Variants in CEP85 observed in about 807,000 individuals in gnomAD.
The protein encoded by CEP85 is centrosomal protein of 85 kDa.
A neutral mutation model predicts 93.7 loss-of-function variants in CEP85; 58 were observed. That is an observed-to-expected ratio of 0.62 (90% CI 0.50 to 0.77). The LOEUF is 0.77. Ranked by LOEUF, CEP85 falls within the 30% of genes least tolerant of loss-of-function variation. The pLI, the probability that CEP85 is intolerant of heterozygous loss-of-function variation, is 0.00. For missense variants in CEP85, 868 were observed against 922.0 expected, an observed-to-expected ratio of 0.94 and a Z score of 0.76; for synonymous variants, 314 against 338.6, an observed-to-expected ratio of 0.93 and a Z score of 0.80.
At chr1:26,238,048 G>C (rs1013610068) in intron 1 of CEP85, among the ~76,000 whole-genome samples, 10 of 150,978 alleles carry the variant, frequency 6.6e-5, no homozygotes, top group Admixed American at 2.0e-4. Context: ...AATTAATAAG[G>C]GTTTGGGTTG....
At chr1:26,251,258 T>TTG (rs1553159287) in intron 3 of CEP85, among the ~76,000 whole-genome samples, 2 of 108,562 alleles carry the variant, frequency 1.8e-5, no homozygotes, top group African/African-American at 8.0e-5. Context: ...TTGGTTTTTT[T>TTG]TTTTTTTTTT....
Position 26,250,925 on chromosome 1 carries a change from CTTTTTTCTTTTTT to C in CEP85, c.209-4239_209-4227del, listed in dbSNP as rs1199602258. On this transcript the variant is annotated intron_variant, in intron 3 of 13. Transcript: ENST00000451429. ...TGAGCCAAGCTTGCCTTTTTTTTTT[CTTTTTTCTTTTTT>C]TTTTTTTTTTTTTTTTTTTTGAGAC... is the stretch of plus-strand genomic sequence containing the variant. 1.2e-3 allele frequency among the ~76,000 whole-genome samples: 68 copies of C among 55,136 alleles called. 1 individual carries two copies. The highest frequency in any genetic ancestry group is 2.7e-3 in the African/African-American group (46 of 17,060). The allele number at this position is 55,136 out of a possible 152,430, so 36.2% of individuals were successfully genotyped here.
At chr1:26,239,934 A>G in intron 2 of CEP85, 96 bp downstream of exon 2, 1 of 891,410 alleles carries the variant, frequency 1.1e-6, no homozygotes, top group East Asian at 2.5e-5. Flanking sequence ...CATTCACTGA[A>G]ATGCTGGTGC....
chr1:26,268,328 T>C (rs1167456855), intron 7 of CEP85, among the ~76,000 whole-genome samples, 155 bp from the exon 8 acceptor site: 1 of 152,102 alleles, frequency 6.6e-6, no homozygotes, highest in Non-Finnish European at 1.5e-5. Context: ...CGTGGTAGTG[T>C]GTGCCTGCAG....
chr1:26,269,725 T>A (rs887071862), intron 9 of CEP85, 111 bp downstream of exon 9: 5 of 816,142 alleles, frequency 6.1e-6, no homozygotes, highest in Admixed American at 2.6e-5. Flanking sequence ...ATTTTACTTA[T>A]CTGAGCTTTG....
At position 26,264,564 on chromosome 1, in the gene CEP85, G is replaced by A. The variant is rs781175780; in HGVS notation, c.1342-3919G>A. ...TAAAATAAAAAGGAAGCATTTAAAA[G>A]CTGGATGAAAGCTCTGGATTCATGG... On this transcript the variant is annotated intron_variant, in intron 7 of 13. Transcript: ENST00000451429. Among the ~76,000 whole-genome samples the A allele has an allele frequency of 6.0e-4, 91 of 152,156 alleles. 1 individual carries two copies. The highest frequency in any genetic ancestry group is 1.0e-3 in the Non-Finnish European group (70 of 68,032).
chr1:26,272,651 A>G (rs1402909231), intron 11 of CEP85, among the ~76,000 whole-genome samples: 1 of 116,038 alleles, frequency 8.6e-6, no homozygotes, highest in Non-Finnish European at 1.6e-5. Context: ...TTTTGGAGAC[A>G]GAGTCTCGCT....
rs1415032003 is a variant in CEP85 at position 26,272,019 on chromosome 1, A to G, written c.1744-2A>G. ...GCCTTCCTTGATAACTTTGCCTTTC[A>G]GATTGTGGAGAAGCAGCAGCAGAAG... On this transcript the variant is annotated splice_acceptor_variant, in intron 10 of 13. Coordinates refer to ENST00000451429, the MANE Select transcript of CEP85 (RefSeq NM_001319944.2). LOFTEE classifies it high-confidence loss of function. 6.2e-7 allele frequency: 1 copy of G among 1,614,016 alleles called. No homozygotes were observed. Among genetic ancestry groups the G allele is most frequent in the East Asian group, 2.2e-5 (1 of 44,886 alleles).
At position 26,269,654 on chromosome 1, in the gene CEP85, G is replaced by GT. The variant is rs1441132469; in HGVS notation, c.1649+46dup. 4 of 1,557,028 alleles carry GT rather than the reference G, an allele frequency of 2.6e-6. No homozygotes were observed. The Admixed American group carries it at 5.5e-5, about 21-fold the overall frequency. The stretch of plus-strand genomic sequence containing the variant: ...GGGACTGAGAGGAGTGGAGAGTTAA[G>GT]TTTTTTGTCATAGCCATCCTGCTCA... On this transcript the variant is annotated intron_variant, in intron 9 of 13. Coordinates refer to ENST00000451429, the MANE Select transcript of CEP85 (RefSeq NM_001319944.2).
chr1:26,248,370 A>G (rs543176019), intron 3 of CEP85, among the ~76,000 whole-genome samples: 6 of 152,326 alleles, frequency 3.9e-5, no homozygotes, highest in Non-Finnish European at 8.8e-5. Context: ...ACATTGCTAC[A>G]CAGATTGTGT....
At chr1:26,257,769 C>T in intron 5 of CEP85, 39 bp downstream of exon 5, 3 of 1,609,732 alleles carry the variant, frequency 1.9e-6, no homozygotes, top group Non-Finnish European at 2.5e-6. Flanking sequence ...AGACTACTCT[C>T]CCAGGCCCCA....
chr1:26,255,334 T>C lies in CEP85; in HGVS notation c.372T>C (p.Ala124=). 1 of 1,614,148 alleles carries C rather than the reference T, an allele frequency of 6.2e-7. No homozygotes were observed. Among genetic ancestry groups the C allele is most frequent in the South Asian group, 1.1e-5 (1 of 91,074 alleles). Reference sequence around the variant, plus strand: ...CTAAACTCCCTTTGTCAGGGTTGGCTGAAAGTGTGGGAATGACAAGAAATG... The same window carrying C: ...CTAAACTCCCTTTGTCAGGGTTGGCCGAAAGTGTGGGAATGACAAGAAATG... ...SSSKLPLSGL[A]ESVGMTRNGD... The change falls in exon 4 of 14, where the codon GCT becomes GCC. Residue 124 remains alanine, a synonymous_variant. Coordinates refer to ENST00000451429, the MANE Select transcript of CEP85 (RefSeq NM_001319944.2).
chr1:26,239,950 G>C (rs2124556921), intron 2 of CEP85, 112 bp downstream of exon 2: 1 of 778,752 alleles, frequency 1.3e-6, no homozygotes, highest in East Asian at 2.7e-5. Flanking sequence ...GGTGCTAAAA[G>C]AATAAAAATA....
At chr1:26,257,410 T>C (rs1440671674) in intron 4 of CEP85, among the ~76,000 whole-genome samples, 187 bp from the exon 5 acceptor site, 1 of 152,194 alleles carries the variant, frequency 6.6e-6, no homozygotes, top group African/African-American at 2.4e-5. Context: ...GAGTGTTCAG[T>C]TGGCAGAAGC....
intron 3 of CEP85, among the ~76,000 whole-genome samples, chr1:26,251,191 C>T (rs1299348289): frequency 6.6e-6 from 1 of 151,220 alleles, no homozygotes; most frequent in Non-Finnish European, 1.5e-5. Context: ...GATCCGCTTG[C>T]CTCTGCCTCC....
chr1:26,268,565 GTATTGAGAC>G lies in CEP85; in HGVS notation c.1425_1433del (p.Ile476_Thr478del). The G allele has an allele frequency of 6.2e-7, 1 of 1,614,098 alleles. No individual in the cohort carries two copies. Among genetic ancestry groups the G allele is most frequent in the Non-Finnish European group, 8.5e-7 (1 of 1,179,978 alleles). ...GAGCAGAACCGGGAGAAGCAGCAGCGTATTGAGACCTTGGAGCGCTACCTGGCTGACCTG... is the reference window on the plus strand; with the variant it reads ...GAGCAGAACCGGGAGAAGCAGCAGCGCTTGGAGCGCTACCTGGCTGACCTG... On this transcript the variant is annotated inframe_deletion, in exon 8 of 14. Transcript: ENST00000451429.
chr1:26,262,366 T>C (rs1418421604), intron 7 of CEP85, among the ~76,000 whole-genome samples: 1 of 151,822 alleles, frequency 6.6e-6, no homozygotes, highest in Non-Finnish European at 1.5e-5. Context: ...TAACCTCAGC[T>C]ACTTAAGAGG....
intron 3 of CEP85, among the ~76,000 whole-genome samples, chr1:26,253,181 T>C (rs1012578979): frequency 2.0e-5 from 3 of 152,176 alleles, no homozygotes; most frequent in African/African-American, 7.2e-5. Context: ...TCAGTAAACA[T>C]GGGATTGTAG....
intron 3 of CEP85, among the ~76,000 whole-genome samples, chr1:26,245,483 TAC>T (rs1448478553): frequency 1.3e-5 from 2 of 152,190 alleles, no homozygotes; most frequent in African/African-American, 4.8e-5. Flanking sequence ...TCCCATCCCT[TAC>T]GCTCATTAGT....
Sources: gnomAD v4.1 joint callset for allele counts (sites outside exome capture counted in the v4.1 genomes callset) on GRCh38, gnomAD v4.1.1 for gene constraint, MANE v1.5 for transcripts, NCBI Gene and HGNC (gene_info 2026-07-23, HGNC 2026-07-21) for gene names.